The following MAST2 variants were observed in gnomAD, a reference collection of about 807,000 sequenced individuals.
MAST2 encodes the protein microtubule associated serine/threonine kinase 2, also known as microtubule-associated serine/threonine-protein kinase 2.
MAST2 carries 70 observed loss-of-function variants against 147.4 expected under a neutral mutation model. The observed-to-expected ratio is 0.47, with a 90% CI of 0.39 to 0.58. The LOEUF is 0.58. Ranked by LOEUF, MAST2 falls within the 20% of genes least tolerant of loss-of-function variation. The pLI, the probability that MAST2 is intolerant of heterozygous loss-of-function variation, is 0.00. For missense variants in MAST2, 2,080 were observed against 2,302.3 expected (o/e 0.90, Z 1.98); for synonymous variants, 869 against 896.8 (o/e 0.97, Z 0.55).
intron 8 of MAST2, among the ~76,000 whole-genome samples, chr1:46,007,535 C>T (rs1051016258): frequency 4.6e-5 from 7 of 152,280 alleles, no homozygotes; most frequent in African/African-American, 1.7e-4. Flanking sequence ...TGCAGCAGTA[C>T]AGCAGGCAAA....
intron 4 of MAST2, among the ~76,000 whole-genome samples, chr1:45,940,324 T>G (rs1170629905): frequency 6.6e-6 from 1 of 151,984 alleles, no homozygotes; most frequent in Non-Finnish European, 1.5e-5. Flanking sequence ...CTTTTAGTGT[T>G]TCATAGTTTT....
At chr1:45,868,924 A>G (rs1207683797) in intron 3 of MAST2, among the ~76,000 whole-genome samples, 1 of 152,182 alleles carries the variant, frequency 6.6e-6, no homozygotes, top group Non-Finnish European at 1.5e-5. Flanking sequence ...GAAACATTTC[A>G]GTTTGTACTC....
At chr1:45,854,076 T>A (rs1370227437) in intron 3 of MAST2, among the ~76,000 whole-genome samples, 2 of 152,120 alleles carry the variant, frequency 1.3e-5, no homozygotes, top group Non-Finnish European at 2.9e-5. Flanking sequence ...CAGTGGCTCA[T>A]GCCTGTAATC....
chr1:45,992,112 C>CCCTCTCGG (rs1644877534), intron 5 of MAST2, among the ~76,000 whole-genome samples: 2 of 152,118 alleles, frequency 1.3e-5, no homozygotes, highest in African/African-American at 4.8e-5. Context: ...TGCCTTGTTC[C>CCCTCTCGG]TGTTCTTGGA....
Position 46,030,670 on chromosome 1 carries a change from C to A in MAST2, c.2617C>A (p.Arg873Ser). The change falls in exon 22 of 29, where the codon CGC (arginine) becomes AGC (serine). Residue 873 changes from arginine (R) to serine (S), a missense_variant. Arg to Ser is a moderately radical substitution (Grantham distance 110). Around this residue, in one of 4 missense-constraint regions of MAST2, gnomAD observed 1,278 missense variants for 1,304.2 expected, o/e 0.98. Coordinates refer to ENST00000361297, the MANE Select transcript of MAST2 (RefSeq NM_015112.3). Reference protein sequence around the residue: ...EERRTPPPTKRSLSEEKEDHS... With the variant: ...EERRTPPPTKSSLSEEKEDHS... ...GCGCCGGACACCACCCCCGACCAAG[C>A]GCAGCCTGAGTGAGGAGAAGGAGGA... is the stretch of plus-strand genomic sequence containing the variant. 6.2e-7 allele frequency: 1 copy of A among 1,611,434 alleles called. No individual in the cohort carries two copies. Among genetic ancestry groups the A allele is most frequent in the African/African-American group, 1.3e-5 (1 of 74,932 alleles).
chr1:45,986,245 A>G (rs2149087249), intron 5 of MAST2, among the ~76,000 whole-genome samples: 2 of 152,304 alleles, frequency 1.3e-5, no homozygotes, highest in South Asian at 4.1e-4. Context: ...ATTATTATTG[A>G]ACTTTTGTCA....
In MAST2 at chr1:46,030,995, T is replaced by C. The variant is rs370369576; in HGVS notation, c.2709-12T>C. 3.2e-5 allele frequency: 51 copies of C among 1,610,906 alleles called. No homozygotes were observed. Among genetic ancestry groups the C allele is most frequent in the Non-Finnish European group, 4.1e-5 (48 of 1,178,282 alleles). On this transcript the variant is annotated splice_polypyrimidine_tract_variant and intron_variant, in intron 22 of 28. Transcript: ENST00000361297. ...CACCTGGGTCACTCACCCCAGGCCT[T>C]GTGTCTCATAGATTACGGAAGCGGC...
intron 5 of MAST2, among the ~76,000 whole-genome samples, chr1:45,964,743 T>C (rs754664719): frequency 2.6e-5 from 4 of 152,226 alleles, no homozygotes; most frequent in African/African-American, 4.8e-5. Context: ...ATCTTAGTTA[T>C]TTCTTGCCTT....
intron 1 of MAST2, among the ~76,000 whole-genome samples, chr1:45,807,158 A>T (rs1333760943): frequency 6.6e-6 from 1 of 152,182 alleles, no homozygotes; most frequent in Non-Finnish European, 1.5e-5. Context: ...ACTATTTGTC[A>T]CTGTTGACTG....
chr1:45,972,680 C>G (rs572415844), intron 5 of MAST2, among the ~76,000 whole-genome samples: 2 of 152,332 alleles, frequency 1.3e-5, no homozygotes, highest in South Asian at 4.1e-4. Context: ...GTTACCCGCA[C>G]CCCATCATCT....
intron 4 of MAST2, among the ~76,000 whole-genome samples, chr1:45,948,987 T>G (rs1279471519): frequency 6.6e-6 from 1 of 152,076 alleles, no homozygotes; most frequent in Non-Finnish European, 1.5e-5. Flanking sequence ...GGGAAAAGAC[T>G]CCCTATTCAG....
intron 4 of MAST2, among the ~76,000 whole-genome samples, chr1:45,942,844 A>C (rs1232292039): frequency 6.6e-6 from 1 of 152,236 alleles, no homozygotes; most frequent in Non-Finnish European, 1.5e-5. Context: ...TACAAAAGGG[A>C]AATTTATACC....
At chr1:45,875,837 G>A (rs1200360641) in intron 3 of MAST2, among the ~76,000 whole-genome samples, 2 of 152,076 alleles carry the variant, frequency 1.3e-5, no homozygotes, top group African/African-American at 4.8e-5. Flanking sequence ...GGACAAGGTA[G>A]TTGTATGTAC....
At chr1:46,008,398 G>T (rs756298804) in intron 9 of MAST2, 27 bp downstream of exon 9, 3 of 1,538,596 alleles carry the variant, frequency 1.9e-6, no homozygotes, top group Non-Finnish European at 9.0e-7. Context: ...AAGGAGAGTG[G>T]CAATACCCCT....
At chr1:45,939,116 T>G (rs74711342) in intron 4 of MAST2, among the ~76,000 whole-genome samples, 54 of 149,624 alleles carry the variant, frequency 3.6e-4, no homozygotes, top group Non-Finnish European at 4.5e-4. Flanking sequence ...ACCCAAGCTG[T>G]TTTTTTTTTC....
At position 45,871,808 on chromosome 1, in the gene MAST2, AT is replaced by A. The variant is rs773879152; in HGVS notation, c.469-10553del. Among the ~76,000 whole-genome samples, 183 of 152,288 alleles carry A rather than the reference AT, an allele frequency of 1.2e-3. 1 individual carries two copies. The highest frequency in any genetic ancestry group is 2.4e-3 in the Non-Finnish European group (163 of 68,016). The stretch of plus-strand genomic sequence containing the variant: ...TCCTACCCTAAGCCCAAGCAGTGTT[AT>A]TTATGTTAGTTACATTATGTGGGTT... On this transcript the variant is annotated intron_variant, in intron 3 of 28. Coordinates refer to ENST00000361297, the MANE Select transcript of MAST2 (RefSeq NM_015112.3).
chr1:46,006,557 T>A, intron 8 of MAST2, 162 bp downstream of exon 8: 1 of 490,648 alleles, frequency 2.0e-6, no homozygotes, highest in African/African-American at 2.0e-5. Flanking sequence ...GCTGTTGTAG[T>A]ATGAAAGTAT....
chr1:45,989,685 T>A (rs1644785284), intron 5 of MAST2, among the ~76,000 whole-genome samples: 1 of 152,208 alleles, frequency 6.6e-6, no homozygotes, highest in African/African-American at 2.4e-5. Flanking sequence ...GCCACTACAG[T>A]ATCATACAGA....
intron 3 of MAST2, among the ~76,000 whole-genome samples, chr1:45,854,355 T>A (rs1645721536): frequency 6.7e-6 from 1 of 149,334 alleles, no homozygotes; most frequent in African/African-American, 2.5e-5. Context: ...AAAAAAAAAA[T>A]TGGACATATT....
Sources: allele counts gnomAD v4.1 joint callset (sites outside exome capture counted in the v4.1 genomes callset), GRCh38; gene constraint gnomAD v4.1.1; regional missense constraint gnomAD v4.1.1; transcripts MANE v1.5; gene names NCBI Gene and HGNC (gene_info 2026-07-23, HGNC 2026-07-21).